Variants in SPTBN1 observed in about 807,000 individuals in gnomAD.
SPTBN1 encodes spectrin beta chain, non-erythrocytic 1.
In SPTBN1, 32 loss-of-function variants were observed where a neutral mutation model predicts 266.4. The ratio of observed to expected loss-of-function variants is 0.12; its 90% CI spans 0.09 to 0.16. SPTBN1 has a LOEUF of 0.16. SPTBN1 is among the 10% of genes least tolerant of loss of function. The probability of loss-of-function intolerance (pLI) is 1.00; values close to 1 mark genes in which losing one functional copy is unlikely to be tolerated. For missense variants in SPTBN1, 2,296 were observed against 3,067.1 expected (o/e 0.75, Z 5.94); for synonymous variants, 1,336 against 1,162.2 (o/e 1.15, Z -3.04).
In SPTBN1 at chr2:54,658,154, GT is replaced by G. The variant is rs569074619; in HGVS notation, c.6243+115del. ...ACGATTGCTTGTTTTTGTTTTTTGG[GT>G]TTTTTTCAAGTAGTGAAGATCATCT... On this transcript the variant is annotated intron_variant, in intron 30 of 35. Transcript: ENST00000356805. 63 of 1,396,042 alleles carry G rather than the reference GT, an allele frequency of 4.5e-5. No individual in the cohort carries two copies. In the East Asian group the frequency reaches 1.4e-3, roughly 32 times the overall value. The allele number at this position is 1,396,042 out of a possible 1,614,324, so 86.5% of individuals were successfully genotyped here.
chr2:54,618,281 C>A, intron 7 of SPTBN1, 88 bp downstream of exon 7: 1 of 1,137,484 alleles, frequency 8.8e-7, no homozygotes. Flanking sequence ...CAGTCTGTTT[C>A]ATTTGGGAGT....
chr2:54,617,436 A>G (rs923903169), intron 5 of SPTBN1, among the ~76,000 whole-genome samples, 172 bp from the exon 6 acceptor site: 4 of 152,210 alleles, frequency 2.6e-5, no homozygotes, highest in African/African-American at 9.7e-5. Context: ...TTTTTATTTT[A>G]TGGCAGGCTC....
At chr2:54,665,452 G>A (rs182075114) in intron 33 of SPTBN1, among the ~76,000 whole-genome samples, 120 of 152,336 alleles carry the variant, frequency 7.9e-4, no homozygotes, top group African/African-American at 2.8e-3. Flanking sequence ...GGTACTGTAA[G>A]TGCTGATGGC....
rs1048104534 is a variant in SPTBN1 at position 54,554,246 on chromosome 2, G to A, written c.148+27680G>A. 6.6e-6 allele frequency among the ~76,000 whole-genome samples: 1 copy of A among 152,208 alleles called. No homozygotes were observed. The stretch of plus-strand genomic sequence containing the variant: ...ATGGGAGAAACAGCAGAGGTGGGGA[G>A]ATGGGGAGCACGCTGACTTGGTGGA... On this transcript the variant is annotated intron_variant, in intron 2 of 35. Transcript: ENST00000356805. The surrounding 1 kb of genome is among the most constrained non-coding windows in gnomAD (Gnocchi z 4.5).
At position 54,670,412 on chromosome 2, in the gene SPTBN1, A is replaced by T. The variant is rs146822532; in HGVS notation, c.*1843A>T. The T allele has an allele frequency of 3.3e-4, 108 of 328,536 alleles. No individual in the cohort carries two copies. Among genetic ancestry groups the T allele is most frequent in the African/African-American group, 1.7e-3 (81 of 47,422 alleles). The allele number at this position is 328,536 out of a possible 1,614,324, so 20.4% of individuals were successfully genotyped here. On this transcript the variant is annotated 3_prime_UTR_variant, in exon 36 of 36. Coordinates refer to ENST00000356805, the MANE Select transcript of SPTBN1 (RefSeq NM_003128.3). ...AGTTATTCCACAAAGACCATGCCTA[A>T]GGTGGCATCAGCCCTGGGCTCCACA...
chr2:54,668,291 G>T, intron 35 of SPTBN1, 60 bp from the exon 36 acceptor site: 1 of 1,561,552 alleles, frequency 6.4e-7, no homozygotes. Context: ...AAGCCTTGGA[G>T]CCAGAACCCC....
At chr2:54,632,184 A>T (rs570738409) in intron 16 of SPTBN1, among the ~76,000 whole-genome samples, 6 of 151,670 alleles carry the variant, frequency 4.0e-5, no homozygotes, top group Non-Finnish European at 7.4e-5. Context: ...GACACAAAGT[A>T]GAGATTAGAG....
intron 18 of SPTBN1, among the ~76,000 whole-genome samples, chr2:54,640,754 G>C (rs752502138): frequency 1.3e-5 from 2 of 152,210 alleles, no homozygotes; most frequent in Non-Finnish European, 2.9e-5. Flanking sequence ...GTTTCACCCT[G>C]TTGGACAGGC....
At chr2:54,481,413 TGTGTGTGTGTGTGTGTGTGTGTG>T (rs1558763925) in intron 1 of SPTBN1, among the ~76,000 whole-genome samples, 1 of 132,632 alleles carries the variant, frequency 7.5e-6, no homozygotes, top group African/African-American at 3.2e-5. Flanking sequence ...TGTGTGTGTG[TGTGTGTGTGTGTGTGTGTGTGTG>T]TGTGTTTTGT....
rs1397871191 is a variant in SPTBN1 at position 54,630,837 on chromosome 2, C to G, written c.2808-18C>G. On this transcript the variant is annotated intron_variant, in intron 15 of 35. Coordinates refer to ENST00000356805, the MANE Select transcript of SPTBN1 (RefSeq NM_003128.3). ...GTCTTCCCTTTTTCACACTCGCTGT[C>G]TGCCCCTGCACTCACAGGTGGAGCC... 2 of 1,544,596 alleles carry G rather than the reference C, an allele frequency of 1.3e-6. No homozygotes were observed. The highest frequency in any genetic ancestry group is 2.0e-5 in the Admixed American group (1 of 51,150).
At chr2:54,504,672 A>G (rs1217308640) in intron 1 of SPTBN1, among the ~76,000 whole-genome samples, 1 of 152,188 alleles carries the variant, frequency 6.6e-6, no homozygotes, top group Non-Finnish European at 1.5e-5. Context: ...AAGGGACCTG[A>G]GCGTCCATGG....
intron 2 of SPTBN1, among the ~76,000 whole-genome samples, chr2:54,584,825 T>G (rs763191732): frequency 4.6e-5 from 7 of 152,148 alleles, no homozygotes; most frequent in Non-Finnish European, 8.8e-5. Flanking sequence ...TGGCTTACTG[T>G]CTCCCTCCTT....
At position 54,629,096 on chromosome 2, in the gene SPTBN1, A is replaced by G. The variant is rs1282130725; in HGVS notation, c.1962A>G (p.Ile654Met). 1 of 1,613,614 alleles carries G rather than the reference A, an allele frequency of 6.2e-7. No homozygotes were observed. The highest frequency in any genetic ancestry group is 8.5e-7 in the Non-Finnish European group (1 of 1,179,934). The change falls in exon 14 of 36, where the codon ATA becomes ATG. Residue 654 changes from isoleucine (I) to methionine (M), a missense_variant. This residue lies in a region of SPTBN1 where 434 missense variants were observed against 573.9 expected (regional missense o/e 0.76). Transcript: ENST00000356805. ...FWEMAEEEGW[I>M]REKEKILSSD... Reference sequence around the variant, plus strand: ...AGATGGCAGAAGAGGAAGGCTGGATACGGGAGAAGGAGAAGATCCTGTCCT... The same window carrying G: ...AGATGGCAGAAGAGGAAGGCTGGATGCGGGAGAAGGAGAAGATCCTGTCCT...
At chr2:54,549,018 T>A (rs1373866015) in intron 2 of SPTBN1, among the ~76,000 whole-genome samples, 3 of 152,168 alleles carry the variant, frequency 2.0e-5, no homozygotes, top group Non-Finnish European at 4.4e-5. Flanking sequence ...GACTTGCATT[T>A]GGCTGGGCAC....
At chr2:54,456,853 C>T (rs1693060693) in intron 1 of SPTBN1, among the ~76,000 whole-genome samples, 1 of 151,416 alleles carries the variant, frequency 6.6e-6, no homozygotes, top group African/African-American at 2.4e-5. Context: ...TTCCTCCTCC[C>T]TGCCTCCGCC....
Position 54,657,747 on chromosome 2 carries a change from T to G in SPTBN1, c.6047-103T>G, listed in dbSNP as rs1383923952. ...TTTAGAGTAGACGATAGACTGGTTA[T>G]GCAGGTAGCCATCACCAGAGGGCAG... On this transcript the variant is annotated intron_variant, in intron 29 of 35. Coordinates refer to ENST00000356805, the MANE Select transcript of SPTBN1 (RefSeq NM_003128.3). 1.2e-5 allele frequency: 17 copies of G among 1,368,914 alleles called. No homozygotes were observed. The South Asian group carries it at 2.1e-4, about 17-fold the overall frequency. 84.8% of individuals were successfully genotyped at this position (1,368,914 alleles called of 1,614,324 possible).
At position 54,566,185 on chromosome 2, in the gene SPTBN1, C is replaced by CT. The variant is rs59369956; in HGVS notation, c.149-32889dup. Among the ~76,000 whole-genome samples, 520 of 125,204 alleles carry CT rather than the reference C, an allele frequency of 4.2e-3. 2 individuals are homozygous for CT. Among genetic ancestry groups the CT allele is most frequent in the South Asian group, 8.4e-3 (33 of 3,934 alleles). The allele number at this position is 125,204 out of a possible 152,430, so 82.1% of individuals were successfully genotyped here. On this transcript the variant is annotated intron_variant, in intron 2 of 35. Transcript: ENST00000356805. ...GGCATTGTAAGCATTTTTCTTTTTT[C>CT]TTTTTTTTTTTTTTTTTTGTTGAGA...
Position 54,629,244 on chromosome 2 carries a change from A to G in SPTBN1, c.2110A>G (p.Met704Val). 6.2e-7 allele frequency: 1 copy of G among 1,614,002 alleles called. No individual in the cohort carries two copies. ...GCAGGCCATCAAGGAAGGCGAAGAC[A>G]TGATCGCGGAGGAGCACTTCGGGTC... is the stretch of plus-strand genomic sequence containing the variant. ...FEQAIKEGEDMIAEEHFGSEK... is the reference protein window; with the variant it reads ...FEQAIKEGEDVIAEEHFGSEK... The change falls in exon 14 of 36, where the codon ATG (methionine) becomes GTG (valine). Residue 704 changes from methionine (M) to valine (V), a missense_variant. Physicochemically the swap from Met to Val is conservative, Grantham distance 21. Transcript: ENST00000356805.
Position 54,632,735 on chromosome 2 carries a change from G to A in SPTBN1, c.3734G>A (p.Arg1245His). Reference sequence around the variant, plus strand: ...AGCGATGGGAACATCAACTCAGATCGCATCCAGGAGAAGGTGGACTCTATT... The same window carrying A: ...AGCGATGGGAACATCAACTCAGATCACATCCAGGAGAAGGTGGACTCTATT... ...LVSDGNINSD[R>H]IQEKVDSIDD... Residue 1245 changes from arginine to histidine, a missense_variant, in exon 17 of 36, where the codon CGC (arginine) becomes CAC (histidine). Around this residue, in one of 12 missense-constraint regions of SPTBN1, gnomAD observed 386 missense variants for 486.1 expected, o/e 0.79. Transcript: ENST00000356805. 6 of 1,614,164 alleles carry A rather than the reference G, an allele frequency of 3.7e-6. No individual in the cohort carries two copies. The highest frequency in any genetic ancestry group is 5.1e-6 in the Non-Finnish European group (6 of 1,180,034).
Sources: allele counts gnomAD v4.1 joint callset (sites outside exome capture counted in the v4.1 genomes callset), GRCh38; gene constraint gnomAD v4.1.1; regional missense constraint gnomAD v4.1.1; non-coding constraint Gnocchi (gnomAD v3.1); transcripts MANE v1.5; gene names NCBI Gene and HGNC (gene_info 2026-07-23, HGNC 2026-07-21).